PAPSS2: variants seen among roughly 807,000 people sequenced by gnomAD.
The protein encoded by PAPSS2 is bifunctional 3'-phosphoadenosine 5'-phosphosulfate synthase 2.
Under a neutral mutation model 66.5 loss-of-function variants are expected in PAPSS2, and 61 were observed. The ratio of observed to expected loss-of-function variants is 0.92; its 90% CI spans 0.75 to 1.14. The LOEUF is 1.14. Among genes scored for constraint, PAPSS2 ranks in the 50% most tolerant of loss-of-function variants. The pLI is 0.00. For missense variants in PAPSS2, 708 were observed against 789.6 expected (o/e 0.90, Z 1.24); for synonymous variants, 289 against 287.5 (o/e 1.01, Z -0.05).
At chr10:87,741,872 T>C (rs966115140) in intron 10 of PAPSS2, among the ~76,000 whole-genome samples, 4 of 152,210 alleles carry the variant, frequency 2.6e-5, no homozygotes, top group Admixed American at 6.5e-5. Context: ...TTCTCCAACC[T>C]TAACCTCACA....
chr10:87,666,239 C>G (rs1420428194), intron 1 of PAPSS2, among the ~76,000 whole-genome samples: 2 of 152,208 alleles, frequency 1.3e-5, no homozygotes, highest in Non-Finnish European at 2.9e-5. Context: ...GCTGGGATTA[C>G]AGGCATGAGC....
chr10:87,666,020 T>C (rs1852812275), intron 1 of PAPSS2, among the ~76,000 whole-genome samples: 1 of 151,516 alleles, frequency 6.6e-6, no homozygotes, highest in Admixed American at 6.6e-5. Context: ...TCAAGTGCTG[T>C]TGGCGTGATC....
At chr10:87,680,970 T>G (rs1461067490) in intron 1 of PAPSS2, among the ~76,000 whole-genome samples, 1 of 152,366 alleles carries the variant, frequency 6.6e-6, no homozygotes, top group East Asian at 1.9e-4. Flanking sequence ...TGTATTCCAC[T>G]GCTGGAATAA....
chr10:87,672,358 A>G (rs1852888809), intron 1 of PAPSS2, among the ~76,000 whole-genome samples: 1 of 152,210 alleles, frequency 6.6e-6, no homozygotes, highest in Admixed American at 6.5e-5. Context: ...AGTGATATAA[A>G]TGATGTAACG....
intron 1 of PAPSS2, among the ~76,000 whole-genome samples, chr10:87,674,059 C>T (rs1221839504): frequency 6.6e-6 from 1 of 152,104 alleles, no homozygotes; most frequent in Non-Finnish European, 1.5e-5. Context: ...TTCTACCCTT[C>T]CTGCAAGCTT....
chr10:87,709,403 G>C (rs1025332091), intron 2 of PAPSS2, 90 bp downstream of exon 2: 32 of 797,722 alleles, frequency 4.0e-5, no homozygotes, highest in Middle Eastern at 3.4e-4. Context: ...CGTATTACAT[G>C]CTTGTTTTAT....
At chr10:87,700,686 A>G (rs570501705) in intron 1 of PAPSS2, among the ~76,000 whole-genome samples, 12 of 151,972 alleles carry the variant, frequency 7.9e-5, no homozygotes, top group Non-Finnish European at 1.3e-4. Flanking sequence ...AAAAGAATGA[A>G]TTTTATATTT....
At chr10:87,722,458 T>A (rs532283459) in intron 8 of PAPSS2, among the ~76,000 whole-genome samples, 1 of 152,286 alleles carries the variant, frequency 6.6e-6, no homozygotes, top group East Asian at 1.9e-4. Context: ...ACAGAAACAG[T>A]CCCAAACAAC....
rs112298562 is a variant in PAPSS2, at chr10:87,712,964, CTTTTT to C, written c.146-101_146-97del. On this transcript the variant is annotated intron_variant, in intron 2 of 12. Transcript: ENST00000456849. ...GTCAACTACACTGATTTCTTTCTTT[CTTTTT>C]TTTTTTTTTAAGATTTAGTTATATT... The C allele has an allele frequency of 2.9e-5, 18 of 615,500 alleles. No individual in the cohort carries two copies. In the Admixed American group the frequency reaches 4.5e-4, roughly 15 times the overall value. 38.1% of individuals were successfully genotyped at this position (615,500 alleles called of 1,614,324 possible).
chr10:87,699,579 C>T (rs115035762), intron 1 of PAPSS2, among the ~76,000 whole-genome samples: 2,263 of 152,238 alleles, frequency 0.015, 60 homozygotes, highest in African/African-American at 0.052. Flanking sequence ...TGTCTGGGAG[C>T]GGTGGCTCAC....
chr10:87,734,712 T>TATGA (rs1853776331), intron 9 of PAPSS2, among the ~76,000 whole-genome samples: 1 of 142,230 alleles, frequency 7.0e-6, no homozygotes, highest in South Asian at 2.3e-4. Context: ...TATATGTATG[T>TATGA]ATTCTCCTCT....
chr10:87,692,028 G>C (rs1044454586), intron 1 of PAPSS2, among the ~76,000 whole-genome samples: 6 of 152,172 alleles, frequency 3.9e-5, no homozygotes, highest in Non-Finnish European at 7.3e-5. Flanking sequence ...CAGTTCAAAG[G>C]CTGTCAGGAA....
chr10:87,732,815 G>T (rs542630069), intron 9 of PAPSS2, among the ~76,000 whole-genome samples: 63 of 152,214 alleles, frequency 4.1e-4, no homozygotes, highest in African/African-American at 1.5e-3. Context: ...GGCATGACTT[G>T]TGTCTTTGAC....
At chr10:87,699,792 G>C (rs1409309565) in intron 1 of PAPSS2, among the ~76,000 whole-genome samples, 2 of 144,428 alleles carry the variant, frequency 1.4e-5, no homozygotes, top group Admixed American at 7.0e-5. Context: ...AGAGGTTTCA[G>C]TGAGTCGAGA....
chr10:87,722,867 CAG>C (rs1002980186), intron 8 of PAPSS2, among the ~76,000 whole-genome samples: 6 of 152,208 alleles, frequency 3.9e-5, no homozygotes, highest in African/African-American at 1.4e-4. Context: ...TATTACTTGG[CAG>C]AACTCCTTTC....
chr10:87,692,812 A>T (rs925539974), intron 1 of PAPSS2, among the ~76,000 whole-genome samples: 1 of 152,152 alleles, frequency 6.6e-6, no homozygotes, highest in Non-Finnish European at 1.5e-5. Context: ...TTTTATAGGG[A>T]GGGTAGCCCG....
chr10:87,723,369 C>T (rs968520481), intron 8 of PAPSS2, among the ~76,000 whole-genome samples: 45 of 152,182 alleles, frequency 3.0e-4, no homozygotes, highest in Admixed American at 1.8e-3. Context: ...TAGTGCTTTA[C>T]AGTTTGCCCC....
Position 87,715,001 on chromosome 10 carries a change from C to T in PAPSS2, c.656C>T (p.Thr219Ile). 1 of 1,609,188 alleles carries T rather than the reference C, an allele frequency of 6.2e-7. No homozygotes were observed. Among genetic ancestry groups the T allele is most frequent in the Non-Finnish European group, 8.5e-7 (1 of 1,175,590 alleles). ...TCATTTCAGAACATTGTACCCTATA[C>T]TATAATCAAAGATATCCACGAACTC... ...LLQEQNIVPY[T>I]IIKDIHELFV... Residue 219 changes from threonine (T) to isoleucine (I), a missense_variant, in exon 6 of 13, where the codon ACT becomes ATT. By Grantham distance (89) the Thr-to-Ile change is moderately conservative. Coordinates refer to ENST00000456849, the MANE Select transcript of PAPSS2 (RefSeq NM_001015880.2).
chr10:87,745,218 T>C lies in PAPSS2; in HGVS notation c.1708T>C (p.Tyr570His), dbSNP rs1277141706. The stretch of plus-strand genomic sequence containing the variant: ...CAAAGCCAAAAAAGCCATGGACTTC[T>C]ATGATCCAGCAAGGTAGGTTTTCAG... ...YNKAKKAMDF[Y>H]DPARHNEFDF... is the part of the protein sequence containing the mutation. Residue 570 changes from tyrosine to histidine, a missense_variant, in exon 12 of 13, where the codon TAT becomes CAT. By Grantham distance (83) the Tyr-to-His change is moderately conservative. Transcript: ENST00000456849. 6.2e-7 allele frequency: 1 copy of C among 1,612,384 alleles called. No individual in the cohort carries two copies. The highest frequency in any genetic ancestry group is 1.7e-5 in the Admixed American group (1 of 59,702).
Sources: allele counts gnomAD v4.1 joint callset (sites outside exome capture counted in the v4.1 genomes callset), GRCh38; gene constraint gnomAD v4.1.1; transcripts MANE v1.5; gene names NCBI Gene and HGNC (gene_info 2026-07-23, HGNC 2026-07-21).